The following ZNF407 variants were observed in gnomAD, a reference collection of about 807,000 sequenced individuals.
ZNF407 encodes zinc finger protein 407.
In ZNF407, 17 loss-of-function variants were observed where a neutral mutation model predicts 131.2. The observed-to-expected ratio is 0.13, with a 90% confidence interval of 0.09 to 0.19. The LOEUF is 0.19. Ranked by LOEUF, ZNF407 falls within the 10% of genes least tolerant of loss-of-function variation. ZNF407 has a pLI of 1.00. For synonymous variants in ZNF407, 1,156 were observed against 1,062.0 expected, an observed-to-expected ratio of 1.09 and a Z score of -1.72; for missense variants, 2,681 against 2,830.6, an observed-to-expected ratio of 0.95 and a Z score of 1.20.
chr18:74,836,730 G>T (rs1970564863), intron 4 of ZNF407, among the ~76,000 whole-genome samples: 1 of 152,154 alleles, frequency 6.6e-6, no homozygotes, highest in South Asian at 2.1e-4. Flanking sequence ...TTCATCAGAG[G>T]CTTTGTGGAA....
chr18:75,017,211 A>G (rs1023954338), intron 8 of ZNF407, among the ~76,000 whole-genome samples: 2 of 152,172 alleles, frequency 1.3e-5, no homozygotes, highest in African/African-American at 4.8e-5. Flanking sequence ...AAGTATTTGT[A>G]AAGGTCTTTG....
At chr18:74,809,032 T>C (rs1202529034) in intron 4 of ZNF407, among the ~76,000 whole-genome samples, 1 of 152,154 alleles carries the variant, frequency 6.6e-6, no homozygotes, top group Non-Finnish European at 1.5e-5. Flanking sequence ...CTCTTTTTCT[T>C]ACCTCGCATA....
At chr18:74,789,514 G>A (rs949857725) in intron 4 of ZNF407, among the ~76,000 whole-genome samples, 1 of 152,156 alleles carries the variant, frequency 6.6e-6, no homozygotes, top group African/African-American at 2.4e-5. Context: ...CTGGGAACTG[G>A]GTTGGAATCC....
chr18:74,997,077 A>G (rs1972787904), intron 8 of ZNF407, among the ~76,000 whole-genome samples: 1 of 152,224 alleles, frequency 6.6e-6, no homozygotes, highest in Non-Finnish European at 1.5e-5. Flanking sequence ...TTTCAGCTTA[A>G]TATCATTTAC....
intron 3 of ZNF407, among the ~76,000 whole-genome samples, chr18:74,704,981 G>T (rs1967591033): frequency 6.6e-6 from 1 of 152,128 alleles, no homozygotes; most frequent in African/African-American, 2.4e-5. Flanking sequence ...CCAGTATTAG[G>T]ATTAGAAGAG....
At chr18:75,056,189 A>G (rs1973560036) in intron 8 of ZNF407, among the ~76,000 whole-genome samples, 1 of 152,232 alleles carries the variant, frequency 6.6e-6, no homozygotes, top group East Asian at 1.9e-4. Context: ...ACTCTGAGAT[A>G]AATCTCACTA....
At chr18:74,873,137 T>C (rs993107219) in intron 4 of ZNF407, among the ~76,000 whole-genome samples, 1 of 152,194 alleles carries the variant, frequency 6.6e-6, no homozygotes, top group African/African-American at 2.4e-5. Flanking sequence ...GAGGCCAAAA[T>C]ATCTATTAGG....
chr18:75,004,866 C>T (rs1362112907), intron 8 of ZNF407, among the ~76,000 whole-genome samples: 1 of 152,184 alleles, frequency 6.6e-6, no homozygotes, highest in Non-Finnish European at 1.5e-5. Flanking sequence ...ATACGCCTCT[C>T]CTCGGCCCCA....
At chr18:74,859,721 T>G (rs1970910893) in intron 4 of ZNF407, among the ~76,000 whole-genome samples, 1 of 152,212 alleles carries the variant, frequency 6.6e-6, no homozygotes, top group Non-Finnish European at 1.5e-5. Flanking sequence ...ATGTTATTTA[T>G]GTGTTTGCTT....
chr18:74,753,179 CTGTT>C (rs200250894), intron 3 of ZNF407, among the ~76,000 whole-genome samples: 2 of 152,138 alleles, frequency 1.3e-5, no homozygotes, highest in East Asian at 1.9e-4. Flanking sequence ...ATTTGGCTCT[CTGTT>C]TGTCTGTTAT....
At chr18:74,733,539 AT>A (rs1263912131) in intron 3 of ZNF407, among the ~76,000 whole-genome samples, 1 of 152,200 alleles carries the variant, frequency 6.6e-6, no homozygotes, top group African/African-American at 2.4e-5. Flanking sequence ...TCTAAAAAAA[AT>A]CTAGAAAATC....
intron 8 of ZNF407, among the ~76,000 whole-genome samples, chr18:75,058,385 C>T (rs1410947205): frequency 2.6e-5 from 4 of 152,154 alleles, no homozygotes; most frequent in East Asian, 1.9e-4. Context: ...CGAACGCAAA[C>T]GGGCAGAAAG....
chr18:74,785,557 A>G (rs519702), intron 4 of ZNF407, among the ~76,000 whole-genome samples: 149,407 of 152,318 alleles, frequency 0.98, 73,364 homozygotes, highest in Middle Eastern at 1. Flanking sequence ...ATGGCATTGT[A>G]TGGGTCTTTT....
chr18:74,748,468 G>A (rs1289422503), intron 3 of ZNF407, among the ~76,000 whole-genome samples: 1 of 151,972 alleles, frequency 6.6e-6, no homozygotes, highest in African/African-American at 2.4e-5. Context: ...ACATATCATT[G>A]CTGCACATTT....
At position 75,060,457 on chromosome 18, in the gene ZNF407, G is replaced by A. The variant is rs539382815; in HGVS notation, c.5429-2693G>A. ...GTACACAGGAGTATCTCCTGGTAGTGGAGCTAGTCCTGGCTGGCCCTGCAG... is the reference window on the plus strand; with the variant it reads ...GTACACAGGAGTATCTCCTGGTAGTAGAGCTAGTCCTGGCTGGCCCTGCAG... On this transcript the variant is annotated intron_variant, in intron 8 of 8. Coordinates refer to ENST00000299687, the MANE Select transcript of ZNF407 (RefSeq NM_017757.3). Among the ~76,000 whole-genome samples, 14 of 152,154 alleles carry A rather than the reference G, an allele frequency of 9.2e-5. No homozygotes were observed. In the South Asian group the frequency reaches 2.9e-3, roughly 32 times the overall value.
chr18:74,923,742 A>G (rs1247713570), intron 8 of ZNF407, among the ~76,000 whole-genome samples: 1 of 152,202 alleles, frequency 6.6e-6, no homozygotes, highest in East Asian at 1.9e-4. Context: ...CATAATTATG[A>G]AATATTTCTT....
At chr18:75,012,635 A>G (rs867480039) in intron 8 of ZNF407, among the ~76,000 whole-genome samples, 7 of 152,002 alleles carry the variant, frequency 4.6e-5, no homozygotes, top group African/African-American at 1.7e-4. Flanking sequence ...AATTCAACCC[A>G]TCACGCACCT....
chr18:74,816,788 C>G (rs543683310), intron 4 of ZNF407, among the ~76,000 whole-genome samples: 5 of 152,074 alleles, frequency 3.3e-5, no homozygotes, highest in Admixed American at 3.3e-4. Context: ...GAGTTTTGAT[C>G]AATATTTGCG....
chr18:74,723,010 A>AT (rs1968075526), intron 3 of ZNF407, among the ~76,000 whole-genome samples: 1 of 151,262 alleles, frequency 6.6e-6, no homozygotes, highest in Non-Finnish European at 1.5e-5. Context: ...TTTTTAGTCC[A>AT]TTTTTCTCCG....
Sources: allele counts gnomAD v4.1 joint callset (sites outside exome capture counted in the v4.1 genomes callset), GRCh38; gene constraint gnomAD v4.1.1; transcripts MANE v1.5; gene names NCBI Gene and HGNC (gene_info 2026-07-23, HGNC 2026-07-21).